Variants in PDE11A observed in about 807,000 individuals in gnomAD.
PDE11A encodes dual 3',5'-cyclic-AMP and -GMP phosphodiesterase 11A.
Under a neutral mutation model 100.5 loss-of-function variants are expected in PDE11A, and 100 were observed. The ratio of observed to expected loss-of-function variants is 1.00; its 90% CI spans 0.85 to 1.18. The LOEUF (loss-of-function observed/expected upper bound fraction) is 1.18, where lower values mean the gene tolerates loss of function less well. PDE11A is among the 50% of genes most tolerant of loss of function. The pLI, the probability that PDE11A is intolerant of heterozygous loss-of-function variation, is 0.00. For synonymous variants in PDE11A, 381 were observed against 420.8 expected (o/e 0.91, Z 1.16); for missense variants, 1,141 against 1,152.6 (o/e 0.99, Z 0.15).
At chr2:177,961,807 A>G (rs185490187) in intron 2 of PDE11A, among the ~76,000 whole-genome samples, 1 of 152,204 alleles carries the variant, frequency 6.6e-6, no homozygotes, top group Admixed American at 6.6e-5. Flanking sequence ...GGCCGGGCAT[A>G]GTGATTCATG....
intron 1 of PDE11A, among the ~76,000 whole-genome samples, chr2:178,061,114 T>G (rs2086963665): frequency 6.6e-6 from 1 of 151,904 alleles, no homozygotes; most frequent in Admixed American, 6.6e-5. Context: ...TGGGTAATTT[T>G]TTGTATTTTT....
chr2:177,836,897 A>T (rs1342812022), intron 6 of PDE11A, among the ~76,000 whole-genome samples: 2 of 152,138 alleles, frequency 1.3e-5, no homozygotes, highest in African/African-American at 4.8e-5. Context: ...CTCCAAACAC[A>T]TCCGAACATC....
upstream of PDE11A, chr2:178,073,007 C>A: frequency 1.0e-6 from 1 of 985,380 alleles, no homozygotes; most frequent in Non-Finnish European, 1.2e-6. Context: ...GCACCTTGTT[C>A]CTTCCCCGCT....
At chr2:177,800,268 C>T (rs1188379696) in intron 9 of PDE11A, among the ~76,000 whole-genome samples, 1 of 151,660 alleles carries the variant, frequency 6.6e-6, no homozygotes, top group Non-Finnish European at 1.5e-5. Flanking sequence ...TTCCAGGGCT[C>T]AAGGGATCCT....
chr2:177,985,205 G>C (rs2085926838), intron 2 of PDE11A, among the ~76,000 whole-genome samples: 1 of 152,186 alleles, frequency 6.6e-6, no homozygotes, highest in African/African-American at 2.4e-5. Flanking sequence ...CACTTCAGGT[G>C]ATTATAGTTA....
At chr2:177,952,869 C>T (rs535764458) in intron 2 of PDE11A, among the ~76,000 whole-genome samples, 1 of 152,192 alleles carries the variant, frequency 6.6e-6, no homozygotes, top group Non-Finnish European at 1.5e-5. Context: ...CCCTGACAGG[C>T]AATTACTGCT....
chr2:178,101,142 C>A (rs62176007), intron 2 of PDE11A, among the ~76,000 whole-genome samples: 4,591 of 152,304 alleles, frequency 0.03, 118 homozygotes, highest in Non-Finnish European at 0.041. Context: ...CCCCAAGCCA[C>A]CCAAACTTCC....
At chr2:177,831,099 A>C (rs955203690) in intron 6 of PDE11A, among the ~76,000 whole-genome samples, 4 of 152,240 alleles carry the variant, frequency 2.6e-5, no homozygotes, top group Non-Finnish European at 5.9e-5. Context: ...TTCAGAAGGC[A>C]AATAATCACT....
chr2:178,100,975 C>T (rs2087552744), intron 2 of PDE11A, among the ~76,000 whole-genome samples: 1 of 152,106 alleles, frequency 6.6e-6, no homozygotes, highest in African/African-American at 2.4e-5. Flanking sequence ...TATATAAATG[C>T]TAACAATGAA....
At position 177,748,810 on chromosome 2, in the gene PDE11A, TGAAG is replaced by T. The variant is rs200499249; in HGVS notation, c.1788+20509_1788+20512del. On this transcript the variant is annotated intron_variant, in intron 10 of 19. Transcript: ENST00000286063. ...CCTGAAAATCAAATCTTTTTCTGAA[TGAAG>T]GATCTATGAAAATAGATGATGGATT... Among the ~76,000 whole-genome samples the T allele has an allele frequency of 5.3e-3, 813 of 152,260 alleles. 7 individuals carry two copies. The highest frequency in any genetic ancestry group is 0.018 in the African/African-American group (751 of 41,556).
chr2:177,714,258 G>A (rs879929024), intron 12 of PDE11A, among the ~76,000 whole-genome samples: 6 of 152,046 alleles, frequency 3.9e-5, no homozygotes, highest in Non-Finnish European at 8.8e-5. Context: ...CTCCCAAAGT[G>A]CTGGGATTAC....
At chr2:177,741,546 C>T (rs984035471) in intron 10 of PDE11A, among the ~76,000 whole-genome samples, 11 of 152,150 alleles carry the variant, frequency 7.2e-5, no homozygotes, top group African/African-American at 2.4e-4. Context: ...AATAAATGTT[C>T]CATGTCAGAC....
At chr2:177,877,013 C>T (rs989401275) in intron 4 of PDE11A, among the ~76,000 whole-genome samples, 2 of 147,210 alleles carry the variant, frequency 1.4e-5, no homozygotes, top group Admixed American at 6.7e-5. Context: ...ATAGGGGAGA[C>T]GGACGGGGGA....
chr2:177,817,178 C>T (rs1413609045), intron 8 of PDE11A, among the ~76,000 whole-genome samples: 1 of 152,184 alleles, frequency 6.6e-6, no homozygotes, highest in African/African-American at 2.4e-5. Context: ...TAAAAACATA[C>T]TTACACTCTG....
chr2:177,896,504 AG>A (rs1407446795), intron 4 of PDE11A, among the ~76,000 whole-genome samples: 1 of 152,124 alleles, frequency 6.6e-6, no homozygotes, highest in African/African-American at 2.4e-5. Context: ...TTGCTCCCAC[AG>A]GGACCTTGGG....
Position 177,653,108 on chromosome 2 carries a change from G to A in PDE11A, c.2646+10758C>T, listed in dbSNP as rs1423506625. Among the ~76,000 whole-genome samples, 5 of 152,178 alleles carry A rather than the reference G, an allele frequency of 3.3e-5. No individual in the cohort carries two copies. The East Asian group carries it at 5.8e-4, about 18-fold the overall frequency. On this transcript the variant is annotated intron_variant, in intron 19 of 19. Transcript: ENST00000286063. ...TTGGTTCATCGAGAGAATATGAAGT[G>A]CAAGTCCATGCAGATCTTTTCTCTG...
chr2:177,878,615 C>A (rs910645109), intron 4 of PDE11A, among the ~76,000 whole-genome samples: 4 of 152,048 alleles, frequency 2.6e-5, no homozygotes, highest in African/African-American at 9.7e-5. Flanking sequence ...TTACAACATC[C>A]CAGAAGGTAG....
chr2:177,729,993 C>T (rs528197433), intron 10 of PDE11A, among the ~76,000 whole-genome samples: 1 of 151,866 alleles, frequency 6.6e-6, no homozygotes, highest in Admixed American at 6.6e-5. Context: ...ATTTTGATTG[C>T]AAAAAAAGAA....
intron 2 of PDE11A, among the ~76,000 whole-genome samples, chr2:177,944,955 T>G (rs59479905): frequency 1.4e-5 from 2 of 147,344 alleles, no homozygotes; most frequent in East Asian, 4.0e-4. Context: ...CTCAGCCTGC[T>G]GAGTGCCTGC....
Sources: gnomAD v4.1 joint callset for allele counts (sites outside exome capture counted in the v4.1 genomes callset) on GRCh38, gnomAD v4.1.1 for gene constraint, MANE v1.5 for transcripts, NCBI Gene and HGNC (gene_info 2026-07-23, HGNC 2026-07-21) for gene names.